Variants in MOBP observed in about 807,000 individuals in gnomAD.
MOBP encodes the protein myelin associated oligodendrocyte basic protein, also known as myelin-associated oligodendrocyte basic protein.
A neutral mutation model predicts 15.0 loss-of-function variants in MOBP; 5 were observed. That is an observed-to-expected ratio of 0.33 (90% CI 0.17 to 0.70). MOBP has a LOEUF of 0.70. Ranked by LOEUF, MOBP falls within the 30% of genes least tolerant of loss-of-function variation. The pLI is 0.67. For missense variants in MOBP, 188 were observed against 257.8 expected (o/e 0.73, Z 1.85); for synonymous variants, 88 against 99.0 (o/e 0.89, Z 0.66).
chr3:39,520,545 T>TGTGTGTGG (rs2043252746), downstream of MOBP, among the ~76,000 whole-genome samples: 1 of 138,522 alleles, frequency 7.2e-6, no homozygotes, highest in African/African-American at 3.2e-5. Flanking sequence ...TGAGTGTGTG[T>TGTGTGTGG]GTGTGTGTGT....
chr3:39,476,743 C>A (rs753625890), intron 1 of MOBP, among the ~76,000 whole-genome samples: 1 of 152,070 alleles, frequency 6.6e-6, no homozygotes, highest in Non-Finnish European at 1.5e-5. Context: ...TGCTTCCCCA[C>A]ATTGTGATTG....
At position 39,502,260 on chromosome 3, in the gene MOBP, C is replaced by T. The variant is rs758610152; in HGVS notation, c.191C>T (p.Ala64Val). 3.1e-6 allele frequency: 5 copies of T among 1,614,090 alleles called. No individual in the cohort carries two copies. The change falls in exon 3 of 4, where the codon GCC becomes GTC. Residue 64 changes from alanine (A) to valine (V), a missense_variant. Coordinates refer to ENST00000684792, the MANE Select transcript of MOBP (RefSeq NM_001393704.1). The surrounding 1 kb of genome is among the most constrained non-coding windows in gnomAD (Gnocchi z 6.3). ...QKKEEDWICCACQKTRTSRRA... is the reference protein window; with the variant it reads ...QKKEEDWICCVCQKTRTSRRA... ...AAAGAGGAGGACTGGATCTGCTGCG[C>T]CTGCCAGAAGACCAGGTAAGCGGCC...
intron 1 of MOBP, among the ~76,000 whole-genome samples, chr3:39,475,977 A>G (rs1176670023): frequency 6.6e-6 from 1 of 152,218 alleles, no homozygotes; most frequent in Non-Finnish European, 1.5e-5. Context: ...ACACTGAGTA[A>G]TTTATAGAAA....
At chr3:39,481,535 AT>A (rs1252931000) in intron 2 of MOBP, among the ~76,000 whole-genome samples, 1 of 152,088 alleles carries the variant, frequency 6.6e-6, no homozygotes, top group Non-Finnish European at 1.5e-5. Context: ...GCATAGTCCA[AT>A]TTATCTCATT....
In MOBP at chr3:39,487,818, G is replaced by A. The variant is rs144752362; in HGVS notation, c.-5+7695G>A. Among the ~76,000 whole-genome samples the A allele has an allele frequency of 9.9e-5, 15 of 152,096 alleles. No individual in the cohort carries two copies. The East Asian group carries it at 2.3e-3, about 23-fold the overall frequency. ...ATTACAGGTGTGAGCCACCGCGCCC[G>A]GCCCCAGAATTTTCTTAGTCCTTTG... On this transcript the variant is annotated intron_variant, in intron 2 of 3. Coordinates refer to ENST00000684792, the MANE Select transcript of MOBP (RefSeq NM_001393704.1).
intron 2 of MOBP, among the ~76,000 whole-genome samples, chr3:39,482,848 C>T (rs1022314732): frequency 3.9e-5 from 6 of 152,028 alleles, no homozygotes; most frequent in African/African-American, 1.5e-4. Flanking sequence ...CCGCACTGGC[C>T]TTGTCCTAAG....
chr3:39,469,027 TATATATAC>T (rs1328704989), intron 1 of MOBP, among the ~76,000 whole-genome samples: 4 of 51,738 alleles, frequency 7.7e-5, no homozygotes, highest in African/African-American at 4.1e-4. Flanking sequence ...TATGTGTGTA[TATATATAC>T]ATATATACAT....
intron 1 of MOBP, among the ~76,000 whole-genome samples, chr3:39,473,347 C>A (rs1319750418): frequency 6.6e-6 from 1 of 152,162 alleles, no homozygotes; most frequent in Non-Finnish European, 1.5e-5. Flanking sequence ...GCCACCTGGC[C>A]ACATGGGGAA....
chr3:39,520,054 A>G (rs2043247670), downstream of MOBP, among the ~76,000 whole-genome samples: 1 of 147,402 alleles, frequency 6.8e-6, no homozygotes, highest in Admixed American at 6.8e-5. Context: ...CCATATTCTT[A>G]TTGCTCTGGA....
chr3:39,526,756 T>C (rs2043327382), downstream of MOBP: 1 of 150,036 alleles, frequency 6.7e-6, no homozygotes, highest in Non-Finnish European at 1.5e-5. Flanking sequence ...ATTTCCACAA[T>C]GCAGATTCCT....
downstream of MOBP, among the ~76,000 whole-genome samples, chr3:39,520,242 A>C (rs1436538959): frequency 6.6e-6 from 1 of 152,144 alleles, no homozygotes; most frequent in Admixed American, 6.5e-5. Flanking sequence ...AAGTCTCTCT[A>C]ATTCCCAAAT....
chr3:39,514,901 AG>A (rs2043177301), exon 5 of MOBP: 1 of 151,382 alleles, frequency 6.6e-6, no homozygotes, highest in African/African-American at 2.4e-5. Context: ...GTGGGGAGGG[AG>A]TTTTCCCCTG....
At chr3:39,518,386 G>C (rs574987917), downstream of MOBP, among the ~76,000 whole-genome samples, 10 of 152,342 alleles carry the variant, frequency 6.6e-5, no homozygotes, top group African/African-American at 2.2e-4. Context: ...GGAAGTAAGG[G>C]TGAGGAAGAA....
chr3:39,473,247 T>C lies in MOBP; in HGVS notation c.-89+5507T>C, dbSNP rs115405425. Among the ~76,000 whole-genome samples, 467 of 152,288 alleles carry C rather than the reference T, an allele frequency of 3.1e-3. 1 individual carries two copies. The highest frequency in any genetic ancestry group is 5.2e-3 in the Non-Finnish European group (354 of 68,020). ...TTCTGATTTTATTTTTGTTCAGGTATGGTGAGGCCAACCAGATCAGGAGAT... is the reference window on the plus strand; with the variant it reads ...TTCTGATTTTATTTTTGTTCAGGTACGGTGAGGCCAACCAGATCAGGAGAT... On this transcript the variant is annotated intron_variant, in intron 1 of 3. Transcript: ENST00000684792.
chr3:39,513,395 G>A lies in MOBP; in HGVS notation c.*12G>A, dbSNP rs779455244. On this transcript the variant is annotated 3_prime_UTR_variant, in exon 5 of 5. Coordinates refer to the MOBP transcript ENST00000311042. ...CTTTGTAAACCAGATTGAAAAGGAA[G>A]ATCAGGCCAACCCCAAAGAAGAAGT... 4 of 1,614,024 alleles carry A rather than the reference G, an allele frequency of 2.5e-6. No homozygotes were observed. The South Asian group carries it at 3.3e-5, about 13-fold the overall frequency.
intron 1 of MOBP, among the ~76,000 whole-genome samples, chr3:39,479,258 A>G (rs1356110375): frequency 2.0e-5 from 3 of 152,232 alleles, no homozygotes; most frequent in East Asian, 1.9e-4. Flanking sequence ...AAAGATTTCT[A>G]TAGTTCATTA....
downstream of MOBP, among the ~76,000 whole-genome samples, chr3:39,505,857 A>G (rs1319658625): frequency 1.3e-5 from 2 of 152,208 alleles, no homozygotes; most frequent in Non-Finnish European, 2.9e-5. Flanking sequence ...TCATGTGTGC[A>G]TAGAGCTGCT....
At position 39,469,193 on chromosome 3, in the gene MOBP, TATACATATATAC is replaced by T. The variant is rs1176957913; in HGVS notation, c.-89+1456_-89+1467del. Among the ~76,000 whole-genome samples the T allele has an allele frequency of 6.3e-4, 68 of 107,620 alleles. 2 individuals carry two copies. The highest frequency in any genetic ancestry group is 9.8e-4 in the Non-Finnish European group (52 of 53,258). 70.6% of individuals were successfully genotyped at this position (107,620 alleles called of 152,430 possible). ...ACATATATACATGTGTGTGTGTGTA[TATACATATATAC>T]ATGTGTGTGTATATACATATATACA... On this transcript the variant is annotated intron_variant, in intron 1 of 3. Transcript: ENST00000684792.
chr3:39,502,778 G>C lies in MOBP; in HGVS notation c.450G>C (p.Gln150His). The C allele has an allele frequency of 6.5e-7, 1 of 1,535,830 alleles. No homozygotes were observed. Among genetic ancestry groups the C allele is most frequent in the South Asian group, 1.2e-5 (1 of 83,990 alleles). The change falls in exon 4 of 4, where the codon CAG becomes CAC. Residue 150 changes from glutamine to histidine, a missense_variant. Gln to His is a conservative substitution (Grantham distance 24). Transcript: ENST00000684792. The surrounding 1 kb of genome is among the most constrained non-coding windows in gnomAD (Gnocchi z 6.3). ...AGGTCCGACCACCGCCAGCCAAGCA[G>C]CGTCCCCCTCAGAAGTCCAAGCAAC... Reference protein sequence around the residue: ...RPEVRPPPAKQRPPQKSKQQP... With the variant: ...RPEVRPPPAKHRPPQKSKQQP...
Sources: allele counts gnomAD v4.1 joint callset (sites outside exome capture counted in the v4.1 genomes callset), GRCh38; gene constraint gnomAD v4.1.1; non-coding constraint Gnocchi (gnomAD v3.1); transcripts MANE v1.5; gene names NCBI Gene and HGNC (gene_info 2026-07-23, HGNC 2026-07-21).